Variants in UGT2B11 observed in about 807,000 individuals in gnomAD.
UGT2B11 encodes UDP glucuronosyltransferase family 2 member B11.
A neutral mutation model predicts 51.7 loss-of-function variants in UGT2B11; 49 were observed. The ratio of observed to expected loss-of-function variants is 0.95; its 90% confidence interval spans 0.75 to 1.20. UGT2B11 has a LOEUF of 1.20. Ranked by LOEUF, UGT2B11 falls within the 50% of genes most tolerant of loss-of-function variation. The pLI is 0.00. For synonymous variants in UGT2B11, 273 were observed against 209.0 expected (o/e 1.31, Z -2.64); for missense variants, 810 against 622.1 (o/e 1.30, Z -3.21).
At chr4:69,222,530 G>A in the UGT2B11 span, among the ~76,000 whole-genome samples, 2 of 152,280 alleles carry the variant, frequency 1.3e-5, no homozygotes, top group South Asian at 4.1e-4. Flanking sequence ...TGCCCTGTGG[G>A]GAATTTTTGC....
chr4:69,201,841 A>G (rs1275854639), intron 5 of UGT2B11, among the ~76,000 whole-genome samples: 1 of 151,892 alleles, frequency 6.6e-6, no homozygotes, highest in Non-Finnish European at 1.5e-5. Flanking sequence ...ATAAATATAC[A>G]TACACTAAGT....
chr4:69,214,922 T>C (rs1722218584), upstream of UGT2B11: 8 of 842,252 alleles, frequency 9.5e-6, no homozygotes, highest in Non-Finnish European at 1.4e-5. Flanking sequence ...ATGTTTCTTT[T>C]ATGTTTATAT....
In UGT2B11 at chr4:69,209,346, C is replaced by A. The variant is rs146844716; in HGVS notation, c.871-864G>T. 1.9e-3 allele frequency among the ~76,000 whole-genome samples: 281 copies of A among 151,808 alleles called. 3 individuals carry two copies. Among genetic ancestry groups the A allele is most frequent in the African/African-American group, 6.6e-3 (274 of 41,490 alleles). ...ACTTTGTTGTGTCTCAGAGGCAGCA[C>A]TGGCACCAGAATAGGAGAGGCCACC... On this transcript the variant is annotated intron_variant, in intron 2 of 5. Coordinates refer to ENST00000446444, the MANE Select transcript of UGT2B11 (RefSeq NM_001073.3).
chr4:69,212,510 T>A (rs1722103881), intron 2 of UGT2B11, 63 bp downstream of exon 2: 2 of 1,580,590 alleles, frequency 1.3e-6, no homozygotes, highest in African/African-American at 2.8e-5. Flanking sequence ...GAATGAAAAC[T>A]ATAGACTCAT....
chr4:69,223,606 C>A, the UGT2B11 span, among the ~76,000 whole-genome samples: 921 of 152,254 alleles, frequency 6.0e-3, 7 homozygotes, highest in African/African-American at 0.021. Context: ...TGCTAAGGCC[C>A]AATTTACGTG....
Position 69,204,514 on chromosome 4 carries a change from T to A in UGT2B11, c.1226A>T (p.Lys409Met). Reference protein sequence around the residue: ...QPDNIAHMKAKGAAVRLDFNT... With the variant: ...QPDNIAHMKAMGAAVRLDFNT... ...GAAGTCCAATCTAACAGCTGCTCCCTTGGCCTTCATGTGAGCAATGTTATC... is the reference window on the plus strand; with the variant it reads ...GAAGTCCAATCTAACAGCTGCTCCCATGGCCTTCATGTGAGCAATGTTATC... Residue 409 changes from lysine (K) to methionine (M), a missense_variant, in exon 5 of 6, where the codon AAG becomes ATG. Physicochemically the swap from Lys to Met is moderately conservative, Grantham distance 95. Coordinates refer to ENST00000446444, the MANE Select transcript of UGT2B11 (RefSeq NM_001073.3). 6.2e-7 allele frequency: 1 copy of A among 1,612,316 alleles called. No individual in the cohort carries two copies. The highest frequency in any genetic ancestry group is 8.5e-7 in the Non-Finnish European group (1 of 1,178,862).
chr4:69,209,361 G>A (rs13134364), intron 2 of UGT2B11, among the ~76,000 whole-genome samples: 3 of 151,464 alleles, frequency 2.0e-5, no homozygotes, highest in Non-Finnish European at 3.0e-5. Context: ...ACCAGAATAG[G>A]AGAGGCCACC....
At chr4:69,220,649 A>C in the UGT2B11 span, among the ~76,000 whole-genome samples, 2 of 151,454 alleles carry the variant, frequency 1.3e-5, no homozygotes, top group African/African-American at 4.9e-5. Context: ...ACAGGCCTAC[A>C]AAAGGGAGGA....
chr4:69,218,247 A>G (rs1378943819), upstream of UGT2B11, among the ~76,000 whole-genome samples: 3 of 152,112 alleles, frequency 2.0e-5, no homozygotes, highest in East Asian at 1.9e-4. Context: ...ATGTACCAAG[A>G]GAGGTCAGAA....
intron 3 of UGT2B11, among the ~76,000 whole-genome samples, chr4:69,205,949 G>T (rs1377128154): frequency 2.6e-5 from 4 of 151,496 alleles, no homozygotes; most frequent in Non-Finnish European, 4.4e-5. Flanking sequence ...AATCAGAATG[G>T]CCATTATTAA....
chr4:69,216,627 C>T (rs547693385), upstream of UGT2B11: 1 of 151,478 alleles, frequency 6.6e-6, no homozygotes, highest in Non-Finnish European at 1.5e-5. Flanking sequence ...AAGCCCATTT[C>T]TTAGACAACT....
At chr4:69,215,542 A>T (rs1456171831), upstream of UGT2B11, 6 of 151,936 alleles carry the variant, frequency 3.9e-5, no homozygotes, top group Admixed American at 2.6e-4. Context: ...ATAGATATTG[A>T]TTTTCTTCCA....
chr4:69,216,713 A>C (rs1458244474), upstream of UGT2B11: 2 of 151,904 alleles, frequency 1.3e-5, no homozygotes, highest in African/African-American at 2.4e-5. Flanking sequence ...ACAATGATTT[A>C]AGTATTGACA....
rs781297894 is a variant in UGT2B11, at chr4:69,214,081, C to A, written c.642G>T (p.Met214Ile). The change falls in exon 1 of 6, where the codon ATG becomes ATT. Residue 214 changes from methionine (M) to isoleucine (I), a missense_variant. Transcript: ENST00000446444. ...AAAAGTCAAAATAAAGCACATAGAT[C>A]ATATTTTTTACCCTCTCCATGAAAG... ...QMTFMERVKN[M>I]IYVLYFDFWF... 18 of 1,610,908 alleles carry A rather than the reference C, an allele frequency of 1.1e-5. No homozygotes were observed. The highest frequency in any genetic ancestry group is 6.7e-5 in the African/African-American group (5 of 74,732).
Position 69,212,777 on chromosome 4 carries a change from C to A in UGT2B11, c.722-56G>T, listed in dbSNP as rs548808132. On this transcript the variant is annotated intron_variant, in intron 1 of 5. Transcript: ENST00000446444. ...TGATGTAAGATAATTACTTTACATA[C>A]CTTTCTGAAAAAGGTTAGAACAATG... is the stretch of plus-strand genomic sequence containing the variant. 210 of 1,552,964 alleles carry A rather than the reference C, an allele frequency of 1.4e-4. 1 individual carries two copies. The East Asian group carries it at 4.7e-3, about 35-fold the overall frequency.
At chr4:69,212,401 C>T (rs539655821) in intron 2 of UGT2B11, among the ~76,000 whole-genome samples, 172 bp downstream of exon 2, 20 of 151,798 alleles carry the variant, frequency 1.3e-4, no homozygotes, top group Admixed American at 9.9e-4. Flanking sequence ...ATAAAACTCA[C>T]ATACGTGTGA....
chr4:69,219,032 T>C (rs1222949531), upstream of UGT2B11, among the ~76,000 whole-genome samples: 1 of 152,070 alleles, frequency 6.6e-6, no homozygotes, highest in Non-Finnish European at 1.5e-5. Context: ...CCAGCTGTAG[T>C]ATTCAGGCAC....
At chr4:69,222,281 C>T in the UGT2B11 span, among the ~76,000 whole-genome samples, 1 of 152,262 alleles carries the variant, frequency 6.6e-6, no homozygotes, top group Non-Finnish European at 1.5e-5. Context: ...ATAAGTTGGC[C>T]TTCAACGGAA....
chr4:69,208,807 T>C (rs1721953684), intron 2 of UGT2B11, among the ~76,000 whole-genome samples: 2 of 151,744 alleles, frequency 1.3e-5, no homozygotes, highest in East Asian at 3.9e-4. Flanking sequence ...TATAATACTA[T>C]AATTACTAAT....
Sources: gnomAD v4.1 joint callset for allele counts (sites outside exome capture counted in the v4.1 genomes callset) on GRCh38, gnomAD v4.1.1 for gene constraint, MANE v1.5 for transcripts, NCBI Gene and HGNC (gene_info 2026-07-23, HGNC 2026-07-21) for gene names.